ACBD6: variants seen among roughly 807,000 people sequenced by gnomAD.
ACBD6 encodes acyl-CoA binding domain containing 6.
Under a neutral mutation model 37.2 loss-of-function variants are expected in ACBD6, and 28 were observed. The observed-to-expected ratio is 0.75, with a 90% CI of 0.56 to 1.03. ACBD6 has a LOEUF of 1.03. Ranked by LOEUF, ACBD6 falls within the 50% of genes least tolerant of loss-of-function variation. ACBD6 has a pLI of 0.00. For missense variants in ACBD6, 340 were observed against 337.4 expected (o/e 1.01, Z -0.06); for synonymous variants, 113 against 126.8 (o/e 0.89, Z 0.73).
chr1:180,291,655 AT>A (rs534171649), intron 7 of ACBD6, among the ~76,000 whole-genome samples: 65 of 151,594 alleles, frequency 4.3e-4, no homozygotes, highest in Middle Eastern at 3.4e-3. Context: ...ATGACTTCTC[AT>A]TTTTTTTAAG....
chr1:180,409,089 G>A (rs1647744566), intron 5 of ACBD6, among the ~76,000 whole-genome samples: 1 of 152,116 alleles, frequency 6.6e-6, no homozygotes, highest in Non-Finnish European at 1.5e-5. Context: ...CCAGGAGGCA[G>A]AGGCTACAGT....
intron 3 of ACBD6, among the ~76,000 whole-genome samples, chr1:180,460,260 A>G (rs1650089065): frequency 6.6e-6 from 1 of 152,038 alleles, no homozygotes; most frequent in Non-Finnish European, 1.5e-5. Flanking sequence ...TCTGCCTGAC[A>G]GAAGTTTGAA....
At chr1:180,477,613 T>C (rs1025378828) in intron 3 of ACBD6, among the ~76,000 whole-genome samples, 5 of 152,166 alleles carry the variant, frequency 3.3e-5, no homozygotes, top group Non-Finnish European at 5.9e-5. Context: ...CCTTATAATT[T>C]AAAAAACAGA....
chr1:180,274,606 C>G (rs1648915401), intron 10 of ACBD6: 1 of 1,529,488 alleles, frequency 6.5e-7, no homozygotes. Context: ...CCCTACCTGC[C>G]CCCCTGGCTT....
intron 6 of ACBD6, among the ~76,000 whole-genome samples, chr1:180,361,275 C>CT (rs34773334): frequency 0.87 from 117,619 of 135,654 alleles, 50,783 homozygotes; most frequent in East Asian, 0.93. Context: ...TTTTTTTTTC[C>CT]TTTTTTTTTT....
chr1:180,460,992 T>TA (rs1442195925), intron 3 of ACBD6, among the ~76,000 whole-genome samples: 4 of 152,050 alleles, frequency 2.6e-5, no homozygotes, highest in Non-Finnish European at 4.4e-5. Flanking sequence ...GCAAGGAAGC[T>TA]AAAAACCATA....
intron 3 of ACBD6, among the ~76,000 whole-genome samples, chr1:180,436,266 G>A (rs529097441): frequency 1.3e-5 from 2 of 152,164 alleles, no homozygotes; most frequent in Admixed American, 6.5e-5. Flanking sequence ...TTGAGTAAAT[G>A]AAAGAAATTG....
At chr1:180,365,249 G>A (rs1482630936) in intron 6 of ACBD6, among the ~76,000 whole-genome samples, 1 of 152,146 alleles carries the variant, frequency 6.6e-6, no homozygotes, top group Non-Finnish European at 1.5e-5. Flanking sequence ...AGGGCAGTAG[G>A]TACTCAGCTC....
At chr1:180,305,245 C>A (rs1342179793) in intron 7 of ACBD6, among the ~76,000 whole-genome samples, 1 of 152,110 alleles carries the variant, frequency 6.6e-6, no homozygotes, top group Non-Finnish European at 1.5e-5. Context: ...CCAAAATTGA[C>A]AAATGGGATC....
At chr1:180,440,753 C>T (rs1195114345) in intron 3 of ACBD6, among the ~76,000 whole-genome samples, 1 of 152,174 alleles carries the variant, frequency 6.6e-6, no homozygotes, top group Non-Finnish European at 1.5e-5. Flanking sequence ...TGCTTTCTGT[C>T]TCTATGGATT....
chr1:180,437,178 T>A (rs978823615), intron 3 of ACBD6, among the ~76,000 whole-genome samples: 3 of 152,186 alleles, frequency 2.0e-5, no homozygotes, highest in Admixed American at 2.0e-4. Flanking sequence ...TCCTTTATAA[T>A]AAACTGGCAA....
chr1:180,403,584 A>G (rs1003912960), intron 5 of ACBD6, among the ~76,000 whole-genome samples: 14 of 152,182 alleles, frequency 9.2e-5, no homozygotes, highest in Admixed American at 7.2e-4. Flanking sequence ...CATTTTTCAT[A>G]ATAGATTCTT....
chr1:180,376,829 A>G (rs1325853596), intron 6 of ACBD6, among the ~76,000 whole-genome samples: 2 of 152,158 alleles, frequency 1.3e-5, no homozygotes, highest in Non-Finnish European at 2.9e-5. Flanking sequence ...AATGTTTCAG[A>G]TACCCCCCAA....
chr1:180,301,466 A>AT (rs763787807), intron 7 of ACBD6, among the ~76,000 whole-genome samples: 5 of 152,202 alleles, frequency 3.3e-5, no homozygotes, highest in Non-Finnish European at 5.9e-5. Flanking sequence ...AAATCATAAG[A>AT]TAAAATACAT....
chr1:180,397,244 T>C (rs1021057096), intron 6 of ACBD6, among the ~76,000 whole-genome samples: 2 of 152,144 alleles, frequency 1.3e-5, no homozygotes, highest in Non-Finnish European at 2.9e-5. Flanking sequence ...GGCAAATCTA[T>C]AGAAACAGAA....
chr1:180,276,634 A>T (rs990474924), intron 9 of ACBD6: 1 of 152,202 alleles, frequency 6.6e-6, no homozygotes, highest in Non-Finnish European at 1.5e-5. Flanking sequence ...TTTTTGGAGG[A>T]TGGCTTTTTA....
chr1:180,272,305 C>A (rs929333084), intron 13 of ACBD6, among the ~76,000 whole-genome samples: 1 of 152,188 alleles, frequency 6.6e-6, no homozygotes, highest in African/African-American at 2.4e-5. Context: ...GCCCACACAG[C>A]TATGAACAGA....
At chr1:180,334,701 T>C (rs1458669358) in intron 6 of ACBD6, among the ~76,000 whole-genome samples, 2 of 152,110 alleles carry the variant, frequency 1.3e-5, no homozygotes, top group Admixed American at 6.5e-5. Context: ...CTTCAGACGA[T>C]CAAACTACTT....
chr1:180,293,400 T>C (rs1649793100), intron 7 of ACBD6, among the ~76,000 whole-genome samples: 1 of 151,036 alleles, frequency 6.6e-6, no homozygotes, highest in African/African-American at 2.4e-5. Context: ...CTCTACCTCC[T>C]GGGTTCAAGC....
Sources: gnomAD v4.1 joint callset for allele counts (sites outside exome capture counted in the v4.1 genomes callset) on GRCh38, gnomAD v4.1.1 for gene constraint, MANE v1.5 for transcripts, NCBI Gene and HGNC (gene_info 2026-07-23, HGNC 2026-07-21) for gene names.